Variants in ADCY8 observed in about 807,000 individuals in gnomAD.
ADCY8 encodes adenylate cyclase 8.
A neutral mutation model predicts 119.7 loss-of-function variants in ADCY8; 51 were observed. That is an observed-to-expected ratio of 0.43 (90% CI 0.34 to 0.54). ADCY8 has a LOEUF of 0.54. Ranked by LOEUF, ADCY8 falls within the 20% of genes least tolerant of loss-of-function variation. ADCY8 has a pLI of 0.03. For missense variants in ADCY8, 1,383 were observed against 1,598.8 expected (o/e 0.87, Z 2.30); for synonymous variants, 665 against 651.0 (o/e 1.02, Z -0.33).
chr8:130,822,312 T>C (rs1439162026), intron 12 of ADCY8, among the ~76,000 whole-genome samples: 3 of 152,128 alleles, frequency 2.0e-5, no homozygotes, highest in Non-Finnish European at 4.4e-5. Context: ...CTATTTTGCT[T>C]AGCTAGGTGG....
At chr8:130,876,057 CT>C (rs898414025) in intron 8 of ADCY8, among the ~76,000 whole-genome samples, 2,414 of 146,938 alleles carry the variant, frequency 0.016, 58 homozygotes, top group African/African-American at 0.055. Flanking sequence ...TGAATTTGAT[CT>C]TTTTTTTTTT....
At chr8:130,807,368 C>T (rs907466311) in intron 14 of ADCY8, among the ~76,000 whole-genome samples, 1 of 152,156 alleles carries the variant, frequency 6.6e-6, no homozygotes, top group East Asian at 1.9e-4. Flanking sequence ...CTTCCATGAC[C>T]CTTGCTCTTT....
chr8:130,798,254 A>C (rs1355856559), intron 15 of ADCY8, among the ~76,000 whole-genome samples: 1 of 152,148 alleles, frequency 6.6e-6, no homozygotes, highest in Non-Finnish European at 1.5e-5. Context: ...GGTTTTTCAG[A>C]GTATGAGTTT....
chr8:130,893,158 C>A (rs181976760), intron 7 of ADCY8, among the ~76,000 whole-genome samples: 1 of 152,246 alleles, frequency 6.6e-6, no homozygotes, highest in East Asian at 1.9e-4. Flanking sequence ...CATTTAGATC[C>A]GACCACTTTG....
chr8:130,809,067 G>A (rs1490597067), intron 14 of ADCY8, among the ~76,000 whole-genome samples: 2 of 152,186 alleles, frequency 1.3e-5, no homozygotes, highest in African/African-American at 4.8e-5. Flanking sequence ...AATAGCAGAA[G>A]CTGCCAGAAT....
chr8:130,880,013 T>C (rs970991934), intron 8 of ADCY8, among the ~76,000 whole-genome samples: 2 of 152,174 alleles, frequency 1.3e-5, no homozygotes, highest in African/African-American at 2.4e-5. Flanking sequence ...TGAGATCTAA[T>C]GGTTTTTAAA....
At chr8:130,989,804 A>G (rs1394564218) in intron 2 of ADCY8, among the ~76,000 whole-genome samples, 7 of 152,196 alleles carry the variant, frequency 4.6e-5, no homozygotes, top group Admixed American at 4.6e-4. Context: ...CCCAATCAGG[A>G]TGTCCAAAAA....
chr8:130,855,692 C>T (rs534686096), intron 9 of ADCY8, among the ~76,000 whole-genome samples: 30 of 152,020 alleles, frequency 2.0e-4, no homozygotes, highest in Admixed American at 3.3e-4. Flanking sequence ...TCCAGATCCG[C>T]GGGCTCATCC....
intron 9 of ADCY8, 35 bp from the exon 10 acceptor site, chr8:130,849,838 T>C (rs1161790663): frequency 1.3e-6 from 2 of 1,581,010 alleles, no homozygotes; most frequent in Admixed American, 1.7e-5. Context: ...GTCATTGGCA[T>C]CAATTGTCTG....
intron 14 of ADCY8, among the ~76,000 whole-genome samples, chr8:130,802,050 T>C (rs1222506999): frequency 6.6e-6 from 1 of 152,098 alleles, no homozygotes; most frequent in African/African-American, 2.4e-5. Context: ...TAAATTCCTG[T>C]GTTAAGGTTA....
Position 130,780,386 on chromosome 8 carries a change from G to T in ADCY8, c.*4C>A. The T allele has an allele frequency of 1.4e-6, 2 of 1,399,164 alleles. No individual in the cohort carries two copies. Among genetic ancestry groups the T allele is most frequent in the South Asian group, 2.0e-5 (1 of 51,086 alleles). The allele number at this position is 1,399,164 out of a possible 1,614,324, so 86.7% of individuals were successfully genotyped here. On this transcript the variant is annotated 3_prime_UTR_variant, in exon 18 of 18. Coordinates refer to ENST00000286355, the MANE Select transcript of ADCY8 (RefSeq NM_001115.3). ...CAAAAAAAAAAAACAGAAAGAAAAT[G>T]CTTTTATGGCAAATCAGATTTGTCG...
chr8:130,952,044 T>A (rs766002847), intron 2 of ADCY8, 46 bp from the exon 3 acceptor site: 2 of 1,606,360 alleles, frequency 1.2e-6, no homozygotes. Flanking sequence ...GACCAGCGAG[T>A]CTCAGATGGG....
At chr8:130,895,315 T>C (rs1049494366) in intron 7 of ADCY8, among the ~76,000 whole-genome samples, 20 of 152,094 alleles carry the variant, frequency 1.3e-4, no homozygotes, top group African/African-American at 4.8e-4. Flanking sequence ...TTTTAGCAGG[T>C]TATCAGCCAT....
At chr8:130,977,474 T>C (rs1010249742) in intron 2 of ADCY8, among the ~76,000 whole-genome samples, 3 of 152,212 alleles carry the variant, frequency 2.0e-5, no homozygotes, top group Non-Finnish European at 2.9e-5. Flanking sequence ...CCTTTACTTA[T>C]TTAAAATCAA....
chr8:130,972,459 G>A (rs79097882), intron 2 of ADCY8, among the ~76,000 whole-genome samples: 3 of 152,132 alleles, frequency 2.0e-5, no homozygotes, highest in Non-Finnish European at 4.4e-5. Flanking sequence ...TGATTCATTT[G>A]CTTTGTAAGG....
At chr8:130,989,016 A>G (rs965003703) in intron 2 of ADCY8, among the ~76,000 whole-genome samples, 4 of 152,238 alleles carry the variant, frequency 2.6e-5, no homozygotes, top group African/African-American at 9.6e-5. Context: ...CCAGTCTGGC[A>G]ACTGATCTGT....
At chr8:130,788,932 T>C (rs1225481734) in intron 15 of ADCY8, among the ~76,000 whole-genome samples, 1 of 152,150 alleles carries the variant, frequency 6.6e-6, no homozygotes, top group Admixed American at 6.5e-5. Context: ...AGAGTACCTA[T>C]CATGATTATT....
chr8:131,000,275 A>G (rs1289845457), intron 1 of ADCY8, among the ~76,000 whole-genome samples: 1 of 152,146 alleles, frequency 6.6e-6, no homozygotes, highest in East Asian at 1.9e-4. Context: ...AACAAAGCCC[A>G]CTCAGGAGAC....
At chr8:130,986,200 T>A (rs1396773231) in intron 2 of ADCY8, among the ~76,000 whole-genome samples, 1 of 152,166 alleles carries the variant, frequency 6.6e-6, no homozygotes, top group Non-Finnish European at 1.5e-5. Context: ...TGTCCCAGTC[T>A]CTCCTGAATT....
Sources: gnomAD v4.1 joint callset for allele counts (sites outside exome capture counted in the v4.1 genomes callset) on GRCh38, gnomAD v4.1.1 for gene constraint, MANE v1.5 for transcripts, NCBI Gene and HGNC (gene_info 2026-07-23, HGNC 2026-07-21) for gene names.